Variants in GPM6A observed in about 807,000 individuals in gnomAD.
The protein encoded by GPM6A is glycoprotein M6A, also known as neuronal membrane glycoprotein M6-a.
A neutral mutation model predicts 32.1 loss-of-function variants in GPM6A; 7 were observed. That is an observed-to-expected ratio of 0.22 (90% CI 0.12 to 0.41). The LOEUF (loss-of-function observed/expected upper bound fraction) is 0.41. Ranked by LOEUF, GPM6A falls within the 10% of genes least tolerant of loss-of-function variation. The pLI, the probability that GPM6A is intolerant of heterozygous loss-of-function variation, is 1.00. For synonymous variants in GPM6A, 130 were observed against 123.4 expected, an observed-to-expected ratio of 1.05 and a Z score of -0.35; for missense variants, 235 against 347.2, an observed-to-expected ratio of 0.68 and a Z score of 2.57.
chr4:175,688,665 C>T (rs1322523897), intron 2 of GPM6A, among the ~76,000 whole-genome samples: 1 of 152,062 alleles, frequency 6.6e-6, no homozygotes, highest in Non-Finnish European at 1.5e-5. Flanking sequence ...ATCTCCAGAA[C>T]AAAGAAATGA....
chr4:175,705,711 C>T (rs1441011813), intron 1 of GPM6A, among the ~76,000 whole-genome samples: 2 of 152,132 alleles, frequency 1.3e-5, no homozygotes, highest in Non-Finnish European at 2.9e-5. Context: ...GCGGATCTTG[C>T]TGCCCCCAGT....
At chr4:175,780,001 A>T (rs1733552996) in intron 1 of GPM6A, among the ~76,000 whole-genome samples, 1 of 152,106 alleles carries the variant, frequency 6.6e-6, no homozygotes. Flanking sequence ...TGAAAAAAAA[A>T]TAGTTTAAAG....
At chr4:175,706,041 G>A (rs78373501) in intron 1 of GPM6A, among the ~76,000 whole-genome samples, 6,823 of 152,132 alleles carry the variant, frequency 0.045, 194 homozygotes, top group Non-Finnish European at 0.065. Context: ...AAATAATACT[G>A]TGCCTTCAGC....
chr4:175,662,768 T>C (rs930415793), intron 3 of GPM6A, among the ~76,000 whole-genome samples: 4 of 151,966 alleles, frequency 2.6e-5, no homozygotes, highest in African/African-American at 9.7e-5. Context: ...TAGATAGATA[T>C]GAAAAACCCA....
At chr4:175,727,262 C>T (rs1731207339) in intron 1 of GPM6A, among the ~76,000 whole-genome samples, 1 of 152,154 alleles carries the variant, frequency 6.6e-6, no homozygotes, top group Middle Eastern at 3.2e-3. Context: ...TACTAGGCTT[C>T]ACAAAAGCAA....
At chr4:175,663,603 A>C (rs1201036695) in intron 3 of GPM6A, among the ~76,000 whole-genome samples, 2 of 152,214 alleles carry the variant, frequency 1.3e-5, no homozygotes, top group African/African-American at 4.8e-5. Context: ...CAATGTATAC[A>C]TATTTGAAAC....
chr4:175,699,940 G>A (rs1744784449), intron 2 of GPM6A, among the ~76,000 whole-genome samples: 1 of 152,072 alleles, frequency 6.6e-6, no homozygotes, highest in African/African-American at 2.4e-5. Context: ...TGTTGCGAAG[G>A]CTGGAGCTGC....
intron 1 of GPM6A, among the ~76,000 whole-genome samples, chr4:175,760,743 A>G (rs1732706360): frequency 6.6e-6 from 1 of 152,084 alleles, no homozygotes; most frequent in Non-Finnish European, 1.5e-5. Flanking sequence ...AGGTAGAGAG[A>G]GAGAGAGAGA....
intron 1 of GPM6A, among the ~76,000 whole-genome samples, chr4:175,945,834 C>T (rs190787922): frequency 7.3e-5 from 11 of 150,192 alleles, no homozygotes; most frequent in Admixed American, 2.6e-4. Context: ...GTGCATATTA[C>T]GTACAACTCA....
intron 1 of GPM6A, among the ~76,000 whole-genome samples, chr4:175,978,031 T>G (rs755054785): frequency 6.6e-6 from 1 of 152,224 alleles, no homozygotes. Context: ...GTATTGTTAC[T>G]TTTTTCAAGA....
chr4:175,896,880 C>G (rs1737809140), intron 1 of GPM6A, among the ~76,000 whole-genome samples: 1 of 151,998 alleles, frequency 6.6e-6, no homozygotes, highest in Non-Finnish European at 1.5e-5. Flanking sequence ...TTCAAATCAC[C>G]CAGAAATCCT....
chr4:175,959,315 A>G (rs1282656670), intron 1 of GPM6A, among the ~76,000 whole-genome samples: 1 of 152,166 alleles, frequency 6.6e-6, no homozygotes, highest in Non-Finnish European at 1.5e-5. Context: ...ATGAGAGCTC[A>G]GGGAACAGCC....
chr4:175,855,176 G>T (rs534768759), intron 1 of GPM6A, among the ~76,000 whole-genome samples: 1 of 152,224 alleles, frequency 6.6e-6, no homozygotes, highest in Non-Finnish European at 1.5e-5. Flanking sequence ...AAATTACTAT[G>T]CATACAATGA....
intron 1 of GPM6A, among the ~76,000 whole-genome samples, chr4:175,722,123 C>T (rs2111118076): frequency 6.6e-6 from 1 of 152,072 alleles, no homozygotes; most frequent in South Asian, 2.1e-4. Context: ...CCCAATTTTA[C>T]AAAAAGTACA....
chr4:175,901,279 ATAACT>A lies in GPM6A; in HGVS notation c.-22-89035_-22-89031del, dbSNP rs978894556. Reference sequence around the variant, plus strand: ...TAGTAATTTAATTGCATATTTTAAAATAACTTAAGAATGTAATTGAGTTGTTTGTA... The same window carrying A: ...TAGTAATTTAATTGCATATTTTAAAATAAGAATGTAATTGAGTTGTTTGTA... On this transcript the variant is annotated intron_variant, in intron 1 of 7. Coordinates refer to the GPM6A transcript ENST00000280187. Among the ~76,000 whole-genome samples, 76 of 152,298 alleles carry A rather than the reference ATAACT, an allele frequency of 5.0e-4. 1 individual carries two copies. The highest frequency in any genetic ancestry group is 1.1e-3 in the African/African-American group (44 of 41,570).
intron 1 of GPM6A, among the ~76,000 whole-genome samples, chr4:175,810,310 C>A (rs1428363285): frequency 6.6e-6 from 1 of 152,150 alleles, no homozygotes; most frequent in African/African-American, 2.4e-5. Context: ...AAAATTACAT[C>A]TTCTTTTCTC....
chr4:175,766,898 G>A (rs1732992884), intron 1 of GPM6A, among the ~76,000 whole-genome samples: 1 of 151,832 alleles, frequency 6.6e-6, no homozygotes, highest in South Asian at 2.1e-4. Context: ...CAGATGATCT[G>A]CCTGCCTCGG....
chr4:175,980,214 G>A (rs1242725083), intron 1 of GPM6A, among the ~76,000 whole-genome samples: 2 of 152,144 alleles, frequency 1.3e-5, no homozygotes, highest in Non-Finnish European at 2.9e-5. Flanking sequence ...AGAAATAGCT[G>A]GGCGTGGTGG....
upstream of GPM6A, chr4:175,812,581 C>T (rs1448062234): frequency 2.0e-6 from 2 of 1,023,262 alleles, no homozygotes; most frequent in Admixed American, 1.2e-4. Flanking sequence ...GGAGCAGAGA[C>T]ACTATGATTC....
Sources: allele counts gnomAD v4.1 joint callset (sites outside exome capture counted in the v4.1 genomes callset), GRCh38; gene constraint gnomAD v4.1.1; transcripts MANE v1.5; gene names NCBI Gene and HGNC (gene_info 2026-07-23, HGNC 2026-07-21).